The following DPH6 variants were observed in gnomAD, a reference collection of about 807,000 sequenced individuals.
The protein encoded by DPH6 is diphthine--ammonia ligase.
DPH6 carries 33 observed loss-of-function variants against 38.2 expected under a neutral mutation model. That is an observed-to-expected ratio of 0.86 (90% CI 0.65 to 1.15). The LOEUF is 1.15. Among genes scored for constraint, DPH6 ranks in the 50% most tolerant of loss-of-function variants. The probability of loss-of-function intolerance (pLI) is 0.00; values close to 1 mark genes in which losing one functional copy is unlikely to be tolerated. For synonymous variants in DPH6, 108 were observed against 103.0 expected, an observed-to-expected ratio of 1.05 and a Z score of -0.30; for missense variants, 325 against 320.0, an observed-to-expected ratio of 1.02 and a Z score of -0.12.
At chr15:35,274,666 G>A (rs1314691425) in intron 3 of DPH6, among the ~76,000 whole-genome samples, 1 of 152,134 alleles carries the variant, frequency 6.6e-6, no homozygotes, top group African/African-American at 2.4e-5. Flanking sequence ...GGTCATCAGA[G>A]AAATGCAAAT....
At chr15:35,299,291 G>C (rs1002374018) in intron 3 of DPH6, 2 of 1,025,658 alleles carry the variant, frequency 1.9e-6, no homozygotes, top group Admixed American at 3.4e-5. Flanking sequence ...TCAATGACTG[G>C]GGCAAGAACT....
chr15:35,463,309 T>C (rs2054088117), intron 3 of DPH6, among the ~76,000 whole-genome samples: 1 of 152,174 alleles, frequency 6.6e-6, no homozygotes, highest in African/African-American at 2.4e-5. Context: ...TTTATTCTCA[T>C]AGTCCCAGAA....
rs988621028 is a variant in DPH6 at position 35,351,339 on chromosome 15, G to GT, written n.208-20263dup. ...AGATAGCATATAGTTGGATTGTGTTGTTTTTTTATTTTTCCATTTAGCCAC... is the reference window on the plus strand; with the variant it reads ...AGATAGCATATAGTTGGATTGTGTTGTTTTTTTTATTTTTCCATTTAGCCAC... On this transcript the variant is annotated intron_variant and non_coding_transcript_variant, in intron 3 of 3. Coordinates refer to the DPH6 transcript ENST00000558973. Among the ~76,000 whole-genome samples the GT allele has an allele frequency of 2.4e-4, 37 of 151,980 alleles. 1 individual carries two copies. Among genetic ancestry groups the GT allele is most frequent in the South Asian group, 1.2e-3 (6 of 4,820 alleles).
At chr15:35,222,493 G>A (rs1468993734) in intron 3 of DPH6, among the ~76,000 whole-genome samples, 1 of 152,120 alleles carries the variant, frequency 6.6e-6, no homozygotes, top group Non-Finnish European at 1.5e-5. Context: ...ACCAATACAT[G>A]TAAAATGTAC....
intron 3 of DPH6, among the ~76,000 whole-genome samples, chr15:35,501,731 T>C (rs929788803): frequency 6.6e-6 from 1 of 152,154 alleles, no homozygotes; most frequent in Non-Finnish European, 1.5e-5. Flanking sequence ...TTAATAATTA[T>C]TACCTTTCTA....
chr15:35,349,520 T>G (rs1339492273), intron 3 of DPH6, among the ~76,000 whole-genome samples: 1 of 152,186 alleles, frequency 6.6e-6, no homozygotes, highest in African/African-American at 2.4e-5. Context: ...TACTGCAACC[T>G]CTGCCTTCTG....
At chr15:35,519,435 A>G (rs1020152002) in intron 3 of DPH6, 2 of 152,030 alleles carry the variant, frequency 1.3e-5, no homozygotes, top group Non-Finnish European at 2.9e-5. Flanking sequence ...TCATGAACAG[A>G]CAGTACAGCC....
At chr15:35,522,115 T>G (rs1330121199) in intron 3 of DPH6, 1 of 1,612,994 alleles carries the variant, frequency 6.2e-7, no homozygotes, top group Non-Finnish European at 8.5e-7. Flanking sequence ...TTTTGCAATC[T>G]CACTGATAAA....
intron 3 of DPH6, among the ~76,000 whole-genome samples, chr15:35,266,096 A>G (rs1244205101): frequency 6.6e-6 from 1 of 152,188 alleles, no homozygotes; most frequent in Non-Finnish European, 1.5e-5. Context: ...GCCAAAAGTA[A>G]TTTCTACCTA....
intron 5 of DPH6, among the ~76,000 whole-genome samples, chr15:35,412,145 T>C (rs960557420): frequency 6.6e-6 from 1 of 151,590 alleles, no homozygotes; most frequent in Non-Finnish European, 1.5e-5. Flanking sequence ...AAAGAACTCT[T>C]AAAACTCAAC....
intron 3 of DPH6, among the ~76,000 whole-genome samples, chr15:35,300,528 T>G (rs1046781854): frequency 6.6e-6 from 1 of 152,166 alleles, no homozygotes; most frequent in Non-Finnish European, 1.5e-5. Context: ...ACGGATGTAA[T>G]GGACAAAAGA....
intron 3 of DPH6, among the ~76,000 whole-genome samples, chr15:35,290,186 G>C (rs1249781748): frequency 6.6e-6 from 1 of 152,170 alleles, no homozygotes; most frequent in East Asian, 1.9e-4. Context: ...TAATGTTTTA[G>C]TGAGTCCTTT....
chr15:35,431,309 A>T (rs2053630071), intron 5 of DPH6, among the ~76,000 whole-genome samples: 1 of 152,170 alleles, frequency 6.6e-6, no homozygotes, highest in South Asian at 2.1e-4. Flanking sequence ...CTATGGCCCC[A>T]TTTTAGTAGT....
At chr15:35,439,375 T>C (rs1488842022) in intron 5 of DPH6, among the ~76,000 whole-genome samples, 2 of 152,230 alleles carry the variant, frequency 1.3e-5, no homozygotes, top group Non-Finnish European at 1.5e-5. Context: ...ATTTGGAGCA[T>C]ATTTGTTTCT....
intron 3 of DPH6, among the ~76,000 whole-genome samples, chr15:35,232,307 C>T (rs867678617): frequency 6.6e-6 from 1 of 152,096 alleles, no homozygotes; most frequent in Non-Finnish European, 1.5e-5. Context: ...CAAGGCCAGG[C>T]GCGGTGGCTC....
intron 6 of DPH6, among the ~76,000 whole-genome samples, chr15:35,403,809 TATTC>T (rs1212727194): frequency 6.6e-6 from 1 of 152,064 alleles, no homozygotes; most frequent in African/African-American, 2.4e-5. Context: ...CTGCTCAGCT[TATTC>T]ATTCATTCCT....
At chr15:35,389,211 T>C (rs1450403368) in intron 6 of DPH6, among the ~76,000 whole-genome samples, 2 of 152,146 alleles carry the variant, frequency 1.3e-5, no homozygotes, top group Non-Finnish European at 2.9e-5. Context: ...AGAGACAGTT[T>C]GTTATAATTT....
At chr15:35,376,662 C>A (rs528800179) in intron 7 of DPH6, among the ~76,000 whole-genome samples, 1 of 152,048 alleles carries the variant, frequency 6.6e-6, no homozygotes. Flanking sequence ...ATGTTAAGTG[C>A]CCTGTACAGG....
At chr15:35,186,392 G>C in the DPH6 span, among the ~76,000 whole-genome samples, 1 of 152,178 alleles carries the variant, frequency 6.6e-6, no homozygotes, top group Non-Finnish European at 1.5e-5. Context: ...AACCTACTGT[G>C]AACTTGAAGG....
Sources: allele counts gnomAD v4.1 joint callset (sites outside exome capture counted in the v4.1 genomes callset), GRCh38; gene constraint gnomAD v4.1.1; transcripts MANE v1.5; gene names NCBI Gene and HGNC (gene_info 2026-07-23, HGNC 2026-07-21).